Variants in SDHAF3 observed in about 807,000 individuals in gnomAD.
SDHAF3 encodes succinate dehydrogenase assembly factor 3, mitochondrial.
A neutral mutation model predicts 11.5 loss-of-function variants in SDHAF3; 18 were observed. The ratio of observed to expected loss-of-function variants is 1.56; its 90% CI spans 1.08 to 2.32. The LOEUF (loss-of-function observed/expected upper bound fraction) is 2.32, where lower values mean the gene tolerates loss of function less well. SDHAF3 is among the 30% of genes most tolerant of loss of function. SDHAF3 has a pLI of 0.00. For missense variants in SDHAF3, 200 were observed against 154.4 expected (o/e 1.30, Z -1.57); for synonymous variants, 72 against 59.3 (o/e 1.21, Z -0.99).
intron 1 of SDHAF3, among the ~76,000 whole-genome samples, chr7:97,118,109 A>G (rs968471941): frequency 6.6e-6 from 1 of 152,078 alleles, no homozygotes; most frequent in South Asian, 2.1e-4. Context: ...ATTCAGTTCA[A>G]CTTTTGAGCT....
chr7:97,150,371 T>C (rs745904002), intron 1 of SDHAF3, among the ~76,000 whole-genome samples: 27 of 152,194 alleles, frequency 1.8e-4, no homozygotes, highest in Non-Finnish European at 3.4e-4. Context: ...ATGTCAGCTA[T>C]AGTCTTTCAA....
chr7:97,153,462 C>A (rs955351612), intron 1 of SDHAF3, among the ~76,000 whole-genome samples: 1 of 152,198 alleles, frequency 6.6e-6, no homozygotes, highest in Non-Finnish European at 1.5e-5. Flanking sequence ...GAAGGATATC[C>A]TGGTTGCTTC....
chr7:97,119,400 G>C (rs1183449769), intron 1 of SDHAF3, among the ~76,000 whole-genome samples: 3 of 152,092 alleles, frequency 2.0e-5, no homozygotes, highest in Non-Finnish European at 2.9e-5. Context: ...GTATAAAAAA[G>C]AACTGCATAA....
In SDHAF3 at chr7:97,175,809, CTG is replaced by C. The variant is rs137899827; in HGVS notation, c.175-5199_175-5198del. 2.6e-5 allele frequency among the ~76,000 whole-genome samples: 4 copies of C among 152,240 alleles called. No homozygotes were observed. The East Asian group carries it at 7.7e-4, about 29-fold the overall frequency. ...TTTTTTCTACTAGGAGACTTTAAGACTGTGTTTCTGTAGTTCACTGCTGTATT... is the reference window on the plus strand; with the variant it reads ...TTTTTTCTACTAGGAGACTTTAAGACTGTTTCTGTAGTTCACTGCTGTATT... On this transcript the variant is annotated intron_variant, in intron 1 of 1. Transcript: ENST00000432641.
At chr7:97,143,404 C>A (rs1403384012) in intron 1 of SDHAF3, among the ~76,000 whole-genome samples, 1 of 151,970 alleles carries the variant, frequency 6.6e-6, no homozygotes, top group Admixed American at 6.6e-5. Context: ...CACCCATCAC[C>A]CGAGCAGTAT....
chr7:97,135,331 A>ATCCTTCTTCCTGCCTC (rs1791735200), intron 1 of SDHAF3: 1 of 152,108 alleles, frequency 6.6e-6, no homozygotes, highest in Non-Finnish European at 1.5e-5. Flanking sequence ...GGACATTAGG[A>ATCCTTCTTCCTGCCTC]TCCTTCTTCC....
intron 1 of SDHAF3, among the ~76,000 whole-genome samples, chr7:97,126,375 C>A (rs1048187109): frequency 2.6e-5 from 4 of 152,212 alleles, no homozygotes; most frequent in African/African-American, 7.2e-5. Context: ...TCTTCAGAGC[C>A]GTCAGGCAGG....
intron 1 of SDHAF3, among the ~76,000 whole-genome samples, chr7:97,158,554 C>T (rs1301053020): frequency 2.0e-5 from 3 of 152,122 alleles, no homozygotes; most frequent in East Asian, 1.9e-4. Context: ...CTCAAACTCA[C>T]CTCAGGTGAT....
At chr7:97,166,125 A>T (rs899516911) in intron 1 of SDHAF3, among the ~76,000 whole-genome samples, 4 of 152,212 alleles carry the variant, frequency 2.6e-5, no homozygotes, top group African/African-American at 4.8e-5. Context: ...ATGGATGGGT[A>T]TAGAATATTT....
intron 1 of SDHAF3, among the ~76,000 whole-genome samples, chr7:97,167,151 T>G (rs1273910339): frequency 6.6e-6 from 1 of 152,068 alleles, no homozygotes; most frequent in Admixed American, 6.6e-5. Context: ...CACCCAAATC[T>G]CATGTCAAAT....
In SDHAF3 at chr7:97,181,493, C is replaced by T. The variant is rs1177574473; in HGVS notation, c.*278C>T. ...GTTTTAAAATGCTATTCTCATCCAGCCATATTAGTCTTCTGGCTTTTCTTT... is the reference window on the plus strand; with the variant it reads ...GTTTTAAAATGCTATTCTCATCCAGTCATATTAGTCTTCTGGCTTTTCTTT... On this transcript the variant is annotated 3_prime_UTR_variant, in exon 2 of 2. Coordinates refer to ENST00000432641, the MANE Select transcript of SDHAF3 (RefSeq NM_020186.3). 1 of 247,562 alleles carries T rather than the reference C, an allele frequency of 4.0e-6. No individual in the cohort carries two copies. The highest frequency in any genetic ancestry group is 7.8e-6 in the Non-Finnish European group (1 of 128,140). The allele number at this position is 247,562 out of a possible 1,614,324, so 15.3% of individuals were successfully genotyped here.
intron 1 of SDHAF3, among the ~76,000 whole-genome samples, chr7:97,121,168 A>T (rs1395743867): frequency 6.6e-6 from 1 of 152,220 alleles, no homozygotes; most frequent in Non-Finnish European, 1.5e-5. Flanking sequence ...TTGAGACTCC[A>T]TAGATCGGGG....
At chr7:97,176,840 G>T (rs184631106) in intron 1 of SDHAF3, among the ~76,000 whole-genome samples, 187 of 152,078 alleles carry the variant, frequency 1.2e-3, no homozygotes, top group Non-Finnish European at 2.1e-3. Context: ...TTTCAAAAAT[G>T]GGAAAGTTAT....
At position 97,137,428 on chromosome 7, in the gene SDHAF3, G is replaced by A. The variant is rs77968274; in HGVS notation, c.174+19531G>A. Among the ~76,000 whole-genome samples the A allele has an allele frequency of 4.4e-3, 674 of 152,272 alleles. 7 individuals are homozygous for A. Among genetic ancestry groups the A allele is most frequent in the African/African-American group, 0.016 (647 of 41,556 alleles). On this transcript the variant is annotated intron_variant, in intron 1 of 1. Transcript: ENST00000432641. ...TTAAGTTCAAAACTAGAAAGGAGAC[G>A]AGATCAGGAGCGGAGGTTTCAAGAT...
At chr7:97,145,137 C>T (rs1487576367) in intron 1 of SDHAF3, among the ~76,000 whole-genome samples, 1 of 150,570 alleles carries the variant, frequency 6.6e-6, no homozygotes, top group Non-Finnish European at 1.5e-5. Flanking sequence ...TGAAGAGCTA[C>T]TGATTTGTGT....
At chr7:97,166,111 A>G (rs779556382) in intron 1 of SDHAF3, among the ~76,000 whole-genome samples, 5 of 152,212 alleles carry the variant, frequency 3.3e-5, no homozygotes, top group Non-Finnish European at 7.3e-5. Context: ...ATGGCTGCTG[A>G]TGCATGGATG....
chr7:97,150,489 G>C (rs1049306695), intron 1 of SDHAF3, among the ~76,000 whole-genome samples: 8 of 151,860 alleles, frequency 5.3e-5, no homozygotes, highest in African/African-American at 1.9e-4. Context: ...TCCTTGTATA[G>C]CTCCATCAGA....
At chr7:97,139,071 C>T (rs1452154796) in intron 1 of SDHAF3, among the ~76,000 whole-genome samples, 6 of 152,248 alleles carry the variant, frequency 3.9e-5, no homozygotes, top group East Asian at 1.9e-4. Flanking sequence ...CTGGCCCTGC[C>T]GCTGCATCTC....
At chr7:97,138,336 C>T (rs940865746) in intron 1 of SDHAF3, among the ~76,000 whole-genome samples, 12 of 151,752 alleles carry the variant, frequency 7.9e-5, no homozygotes, top group African/African-American at 1.2e-4. Flanking sequence ...ATTTTTTGTG[C>T]GTTTTTAGTA....
Sources: gnomAD v4.1 joint callset for allele counts (sites outside exome capture counted in the v4.1 genomes callset) on GRCh38, gnomAD v4.1.1 for gene constraint, MANE v1.5 for transcripts, NCBI Gene and HGNC (gene_info 2026-07-23, HGNC 2026-07-21) for gene names.